The following NRXN3 variants were observed in gnomAD, a reference collection of about 807,000 sequenced individuals.
NRXN3 encodes neurexin III.
In NRXN3, 32 loss-of-function variants were observed where a neutral mutation model predicts 137.6. The ratio of observed to expected loss-of-function variants is 0.23; its 90% CI spans 0.18 to 0.31. The LOEUF is 0.31. Ranked by LOEUF, NRXN3 falls within the 10% of genes least tolerant of loss-of-function variation. The probability of loss-of-function intolerance (pLI) is 1.00; values close to 1 mark genes in which losing one functional copy is unlikely to be tolerated. For synonymous variants in NRXN3, 798 were observed against 784.5 expected, an observed-to-expected ratio of 1.02 and a Z score of -0.29; for missense variants, 1,574 against 2,062.5, an observed-to-expected ratio of 0.76 and a Z score of 4.59.
At chr14:79,374,322 C>T (rs960434897) in intron 15 of NRXN3, among the ~76,000 whole-genome samples, 3 of 151,954 alleles carry the variant, frequency 2.0e-5, no homozygotes, top group Non-Finnish European at 4.4e-5. Flanking sequence ...TTGATGGAAG[C>T]GAGGTCAGAA....
intron 14 of NRXN3, among the ~76,000 whole-genome samples, chr14:78,978,871 A>G (rs1201669676): frequency 6.6e-6 from 1 of 151,578 alleles, no homozygotes; most frequent in African/African-American, 2.4e-5. Context: ...TGTATGCTGG[A>G]GAATAAAACA....
intron 16 of NRXN3, among the ~76,000 whole-genome samples, chr14:79,654,453 T>A (rs2098495025): frequency 6.6e-6 from 1 of 152,192 alleles, no homozygotes; most frequent in Admixed American, 6.5e-5. Context: ...ATGATCTCTG[T>A]TGCAGCTACT....
intron 10 of NRXN3, among the ~76,000 whole-genome samples, chr14:78,880,911 A>T (rs2099127346): frequency 6.6e-6 from 1 of 152,158 alleles, no homozygotes. Context: ...CACATCTTGA[A>T]TTATAGTTCC....
chr14:78,189,516 C>T (rs1483501601), intron 1 of NRXN3, among the ~76,000 whole-genome samples: 2 of 152,182 alleles, frequency 1.3e-5, no homozygotes, highest in Non-Finnish European at 2.9e-5. Flanking sequence ...TGCTGGCCTC[C>T]TTGATGCCAC....
intron 10 of NRXN3, among the ~76,000 whole-genome samples, chr14:78,825,572 T>A (rs981435101): frequency 2.6e-5 from 4 of 152,230 alleles, no homozygotes; most frequent in African/African-American, 9.6e-5. Context: ...ATCATGGATG[T>A]TCTTATAGCC....
At chr14:78,645,450 A>G (rs1601814918) in intron 5 of NRXN3, 29 bp downstream of exon 5, 1 of 1,537,816 alleles carries the variant, frequency 6.5e-7, no homozygotes, top group East Asian at 2.3e-5. Flanking sequence ...GAATTCCTGG[A>G]AGGCTCATCT....
In NRXN3 at chr14:78,943,624, ATATATATATATAT is replaced by A. The variant is rs2099358933; in HGVS notation, c.2276-13617_2276-13605del. ...AAGATCACTGTTAAAAAAAAAAAAT[ATATATATATATAT>A]ATATATATATATATATATATATATA... On this transcript the variant is annotated intron_variant, in intron 10 of 20. Transcript: ENST00000335750. 8.2e-3 allele frequency among the ~76,000 whole-genome samples: 130 copies of A among 15,832 alleles called. 7 individuals are homozygous for A. The highest frequency in any genetic ancestry group is 0.011 in the Non-Finnish European group (75 of 6,660). The allele number at this position is 15,832 out of a possible 152,430, so 10.4% of individuals were successfully genotyped here. A position where few individuals can be genotyped will look rare whatever the true frequency, so the allele number is the denominator to read the frequency against.
At chr14:79,082,694 C>T (rs1337291313) in intron 15 of NRXN3, among the ~76,000 whole-genome samples, 2 of 152,068 alleles carry the variant, frequency 1.3e-5, no homozygotes, top group Non-Finnish European at 2.9e-5. Context: ...GTTCTTTTTC[C>T]ACCTTATCAT....
intron 15 of NRXN3, among the ~76,000 whole-genome samples, chr14:79,271,501 T>TTTCCCCTTCCCTCCCCTCCTCTTTC (rs1432223862): frequency 6.0e-5 from 8 of 132,898 alleles, no homozygotes; most frequent in African/African-American, 2.2e-4. Context: ...TGTCTCCTTT[T>TTTCCCCTTCCCTCCCCTCCTCTTTC]TTCCCCTTCC....
At chr14:78,525,875 T>C (rs894985073) in intron 4 of NRXN3, among the ~76,000 whole-genome samples, 1 of 152,212 alleles carries the variant, frequency 6.6e-6, no homozygotes, top group Admixed American at 6.5e-5. Flanking sequence ...GGGTTCTTCA[T>C]GTATGCAGTG....
chr14:78,240,615 A>G (rs1468813763), intron 1 of NRXN3, among the ~76,000 whole-genome samples: 1 of 152,180 alleles, frequency 6.6e-6, no homozygotes, highest in African/African-American at 2.4e-5. Flanking sequence ...CTCATTTGTC[A>G]GCTCTGGGAT....
chr14:79,359,791 T>A (rs2093621559), intron 15 of NRXN3, among the ~76,000 whole-genome samples: 1 of 151,976 alleles, frequency 6.6e-6, no homozygotes, highest in Non-Finnish European at 1.5e-5. Context: ...GAGCAATAAC[T>A]CTGTAGGGAA....
intron 15 of NRXN3, among the ~76,000 whole-genome samples, chr14:79,390,427 C>T (rs899701036): frequency 2.6e-5 from 4 of 152,104 alleles, no homozygotes; most frequent in African/African-American, 4.8e-5. Flanking sequence ...CTCTGCCTAC[C>T]TCTTTCTGCT....
chr14:78,958,185 A>T (rs2099400528), intron 11 of NRXN3, among the ~76,000 whole-genome samples: 2 of 152,064 alleles, frequency 1.3e-5, no homozygotes, highest in African/African-American at 4.8e-5. Context: ...GTGAGATTAC[A>T]ATTTGTCAAT....
At chr14:78,639,682 G>T (rs923303254) in intron 4 of NRXN3, among the ~76,000 whole-genome samples, 8 of 152,174 alleles carry the variant, frequency 5.3e-5, no homozygotes, top group Non-Finnish European at 2.9e-5. Flanking sequence ...TCAGATATAG[G>T]GTGCTAGGCA....
intron 4 of NRXN3, among the ~76,000 whole-genome samples, chr14:78,321,620 G>A (rs1243184400): frequency 6.6e-6 from 1 of 152,010 alleles, no homozygotes; most frequent in Admixed American, 6.5e-5. Context: ...GAAAGCAACT[G>A]GTGCTTTGTA....
intron 15 of NRXN3, among the ~76,000 whole-genome samples, chr14:79,377,434 A>G (rs1409086173): frequency 6.6e-6 from 1 of 152,128 alleles, no homozygotes; most frequent in African/African-American, 2.4e-5. Flanking sequence ...TTTTTGAGTT[A>G]TCCGCTGTTT....
chr14:79,698,913 C>T (rs1046176868), intron 19 of NRXN3, among the ~76,000 whole-genome samples: 1 of 151,984 alleles, frequency 6.6e-6, no homozygotes, highest in African/African-American at 2.4e-5. Context: ...AGTCAATAAT[C>T]AATTATACCA....
rs1569333 is a variant in NRXN3 at position 79,867,693 on chromosome 14, G to A, written c.*5729G>A. ...TATAGTAGTGGGAATTGCAAAGGTT[G>A]AAGTTCCAAAGTATCAAGGGAATCA... On this transcript the variant is annotated 3_prime_UTR_variant, in exon 21 of 21. Transcript: ENST00000335750. 0.91 allele frequency: 138,805 copies of A among 152,150 alleles called. 63,369 individuals are homozygous for A. The highest frequency in any genetic ancestry group is 1 in the East Asian group (5,157 of 5,158). 9.4% of individuals were successfully genotyped at this position (152,150 alleles called of 1,614,324 possible). A position where few individuals can be genotyped will look rare whatever the true frequency, so the allele number is the denominator to read the frequency against.
Sources: allele counts gnomAD v4.1 joint callset (sites outside exome capture counted in the v4.1 genomes callset), GRCh38; gene constraint gnomAD v4.1.1; transcripts MANE v1.5; gene names NCBI Gene and HGNC (gene_info 2026-07-23, HGNC 2026-07-21).